The following CD82 variants were observed in gnomAD, a reference collection of about 807,000 sequenced individuals.
The protein encoded by CD82 is CD82 antigen.
A neutral mutation model predicts 37.4 loss-of-function variants in CD82; 36 were observed. The ratio of observed to expected loss-of-function variants is 0.96; its 90% confidence interval spans 0.74 to 1.27. The LOEUF is 1.27. Among genes scored for constraint, CD82 ranks in the 50% most tolerant of loss-of-function variants. The pLI is 0.00. For synonymous variants in CD82, 158 were observed against 137.4 expected, an observed-to-expected ratio of 1.15 and a Z score of -1.05; for missense variants, 340 against 347.0, an observed-to-expected ratio of 0.98 and a Z score of 0.16.
intron 1 of CD82, among the ~76,000 whole-genome samples, chr11:44,584,829 C>T (rs1038388447): frequency 2.0e-5 from 3 of 152,212 alleles, no homozygotes; most frequent in Non-Finnish European, 2.9e-5. Context: ...CAAACACAGC[C>T]GTCTGTGCCC....
At chr11:44,612,595 G>A (rs77932259) in intron 6 of CD82, among the ~76,000 whole-genome samples, 5,399 of 133,992 alleles carry the variant, frequency 0.04, 169 homozygotes, top group Middle Eastern at 0.11. Flanking sequence ...GGCAGGGAGC[G>A]TCATCAGAGG....
chr11:44,587,954 A>G (rs1393683863), intron 2 of CD82: 2 of 232,264 alleles, frequency 8.6e-6, no homozygotes, highest in African/African-American at 4.4e-5. Flanking sequence ...CCATCCATCC[A>G]TCCACCTACC....
chr11:44,566,752 C>T (rs752196757), intron 1 of CD82, among the ~76,000 whole-genome samples: 5 of 152,030 alleles, frequency 3.3e-5, no homozygotes, highest in African/African-American at 9.7e-5. Flanking sequence ...TGCTTTGATG[C>T]GGGTGGGCAG....
rs758720179 is a variant in CD82 at position 44,605,165 on chromosome 11, C to T, written c.244C>T (p.Arg82Cys). 5.6e-6 allele frequency: 9 copies of T among 1,613,978 alleles called. No homozygotes were observed. The highest frequency in any genetic ancestry group is 1.3e-5 in the African/African-American group (1 of 74,934). ...CTGCATCGGCGCCGTCAACGAGGTC[C>T]GCTGCCTGCTGGGGCTGGTGAGTAC... The part of the protein sequence containing the change: ...LGCIGAVNEV[R>C]CLLGLYFAFL... The change falls in exon 5 of 10, where the codon CGC (arginine) becomes TGC (cysteine). Residue 82 changes from arginine to cysteine, a missense_variant. Physicochemically the swap from Arg to Cys is radical, Grantham distance 180. Coordinates refer to ENST00000227155, the MANE Select transcript of CD82 (RefSeq NM_002231.4).
intron 1 of CD82, chr11:44,573,200 C>T (rs1363356429): frequency 1.1e-5 from 1 of 91,970 alleles, no homozygotes; most frequent in East Asian, 2.1e-4. Context: ...TATGTGTTCC[C>T]ACGTGTACAC....
intron 6 of CD82, among the ~76,000 whole-genome samples, chr11:44,607,398 A>G (rs772377856): frequency 6.6e-6 from 1 of 152,208 alleles, no homozygotes; most frequent in Non-Finnish European, 1.5e-5. Flanking sequence ...CTTTCCCAGA[A>G]AAATGGTCAT....
At chr11:44,576,375 G>T (rs1168443294) in intron 1 of CD82, among the ~76,000 whole-genome samples, 1 of 152,204 alleles carries the variant, frequency 6.6e-6, no homozygotes, top group Non-Finnish European at 1.5e-5. Context: ...GAAACTGAGG[G>T]TCCAGGAGGT....
At chr11:44,570,938 G>A (rs1463412339) in intron 1 of CD82, among the ~76,000 whole-genome samples, 1 of 152,162 alleles carries the variant, frequency 6.6e-6, no homozygotes, top group Non-Finnish European at 1.5e-5. Context: ...CATCCATGCA[G>A]ACCCCCAGGT....
chr11:44,594,746 C>A, intron 3 of CD82, 21 bp downstream of exon 3: 1 of 1,595,304 alleles, frequency 6.3e-7, no homozygotes, highest in Non-Finnish European at 8.6e-7. Flanking sequence ...CCCATGCCGT[C>A]CTGACCACCT....
chr11:44,617,088 G>A (rs779166683), intron 7 of CD82, among the ~76,000 whole-genome samples: 13 of 152,106 alleles, frequency 8.5e-5, no homozygotes, highest in Non-Finnish European at 1.6e-4. Flanking sequence ...GACACCCCTC[G>A]GAGCTAGGAA....
chr11:44,616,192 G>A (rs1017150297), intron 7 of CD82, among the ~76,000 whole-genome samples: 9 of 152,274 alleles, frequency 5.9e-5, no homozygotes, highest in African/African-American at 1.9e-4. Flanking sequence ...TGACTCAGCG[G>A]CACCAGGAGA....
intron 1 of CD82, among the ~76,000 whole-genome samples, chr11:44,578,817 G>A (rs947465183): frequency 6.6e-6 from 1 of 152,166 alleles, no homozygotes; most frequent in Non-Finnish European, 1.5e-5. Flanking sequence ...GCTGGCATAG[G>A]GACTGTCCCC....
chr11:44,571,992 T>A (rs1852820861), intron 1 of CD82, among the ~76,000 whole-genome samples: 1 of 152,240 alleles, frequency 6.6e-6, no homozygotes, highest in East Asian at 1.9e-4. Flanking sequence ...CTTGGGTAAG[T>A]TATAGCCCTT....
chr11:44,618,909 C>T lies in CD82; in HGVS notation c.727-140C>T, dbSNP rs115163271. ...AGGCACTGCCCCGCTCTGGGCCTCC[C>T]TCTGCTGCCTGCATCACAGGGTGGT... On this transcript the variant is annotated intron_variant, in intron 9 of 9. Transcript: ENST00000227155. The T allele has an allele frequency of 1.3e-3, 1,106 of 862,300 alleles. 7 individuals carry two copies. In the African/African-American group the frequency reaches 0.016, roughly 12 times the overall value. The allele number at this position is 862,300 out of a possible 1,614,324, so 53.4% of individuals were successfully genotyped here. A position where few individuals can be genotyped will look rare whatever the true frequency, so the allele number is the denominator to read the frequency against.
At chr11:44,608,248 T>C (rs1342705223) in intron 6 of CD82, 1 of 152,130 alleles carries the variant, frequency 6.6e-6, no homozygotes, top group African/African-American at 2.4e-5. Flanking sequence ...TGAAAGGAGA[T>C]AGGGCTCCCG....
At chr11:44,576,085 CCTGA>C (rs759651978) in intron 1 of CD82, among the ~76,000 whole-genome samples, 11 of 152,212 alleles carry the variant, frequency 7.2e-5, no homozygotes, top group Non-Finnish European at 1.5e-4. Context: ...CTTCTTATCC[CCTGA>C]CTGACACTTC....
At chr11:44,579,165 G>A (rs151073596) in intron 1 of CD82, among the ~76,000 whole-genome samples, 92 of 151,492 alleles carry the variant, frequency 6.1e-4, no homozygotes, top group Non-Finnish European at 2.8e-4. Context: ...GCACAGTGCC[G>A]CCACTCCTAG....
intron 1 of CD82, among the ~76,000 whole-genome samples, chr11:44,575,169 C>A (rs758162878): frequency 3.9e-5 from 6 of 152,126 alleles, no homozygotes; most frequent in Non-Finnish European, 5.9e-5. Flanking sequence ...GGAGGAGGAG[C>A]AGGCTTTTAG....
intron 6 of CD82, among the ~76,000 whole-genome samples, chr11:44,609,380 C>T (rs1853447516): frequency 6.6e-6 from 1 of 152,046 alleles, no homozygotes; most frequent in South Asian, 2.1e-4. Context: ...GAGCTGGGTG[C>T]ACTTGGCAGG....
Sources: gnomAD v4.1 joint callset for allele counts (sites outside exome capture counted in the v4.1 genomes callset) on GRCh38, gnomAD v4.1.1 for gene constraint, MANE v1.5 for transcripts, NCBI Gene and HGNC (gene_info 2026-07-23, HGNC 2026-07-21) for gene names.